The following DNHD1 variants were observed in gnomAD, a reference collection of about 807,000 sequenced individuals.
DNHD1 encodes dynein heavy chain domain 1.
In DNHD1, 383 loss-of-function variants were observed where a neutral mutation model predicts 458.1. The ratio of observed to expected loss-of-function variants is 0.84; its 90% CI spans 0.77 to 0.91. DNHD1 has a LOEUF of 0.91. DNHD1 is among the 40% of genes least tolerant of loss of function. The pLI is 0.00. For missense variants in DNHD1, 5,336 were observed against 5,866.1 expected, an observed-to-expected ratio of 0.91 and a Z score of 2.95; for synonymous variants, 2,203 against 2,376.9, an observed-to-expected ratio of 0.93 and a Z score of 2.13.
chr11:6,565,836 A>T lies in DNHD1; in HGVS notation c.10898A>T (p.Glu3633Val), dbSNP rs908781815. ...GAAAGAAAAAATGAGCAGGAGAAAGAGCAAGAGGAAAATGAAGAGAAAGAG... is the reference window on the plus strand; with the variant it reads ...GAAAGAAAAAATGAGCAGGAGAAAGTGCAAGAGGAAAATGAAGAGAAAGAG... ...AEERKNEQEK[E>V]QEENEEKEEE... Residue 3633 changes from glutamate to valine, a missense_variant, in exon 33 of 43, where the codon GAG becomes GTG. This residue lies in a region of DNHD1 where 695 missense variants were observed against 804.2 expected (regional missense o/e 0.86). Coordinates refer to ENST00000254579, the MANE Select transcript of DNHD1 (RefSeq NM_144666.3). The T allele has an allele frequency of 1.9e-6, 3 of 1,551,626 alleles. No individual in the cohort carries two copies. Among genetic ancestry groups the T allele is most frequent in the Admixed American group, 2.0e-5 (1 of 50,992 alleles).
chr11:6,566,898 C>A lies in DNHD1; in HGVS notation c.11389C>A (p.Arg3797=). 1 of 1,610,672 alleles carries A rather than the reference C, an allele frequency of 6.2e-7. No individual in the cohort carries two copies. Among genetic ancestry groups the A allele is most frequent in the Non-Finnish European group, 8.5e-7 (1 of 1,178,408 alleles). Reference sequence around the variant, plus strand: ...TCCAACAAATGAGTGTATGCAGGAGCGGCTGCTGACGATGCTGCTGTTCCA... The same window carrying A: ...TCCAACAAATGAGTGTATGCAGGAGAGGCTGCTGACGATGCTGCTGTTCCA... ...TCKAVEAAEE[R]LLTMLLFQNP... The change falls in exon 36 of 43, where the codon CGG becomes AGG. Residue 3797 remains arginine (R), a synonymous_variant. Transcript: ENST00000254579.
In DNHD1 at chr11:6,568,776, C is replaced by T. The variant is rs758499551; in HGVS notation, c.12773C>T (p.Pro4258Leu). The change falls in exon 39 of 43, where the codon CCC (proline) becomes CTC (leucine). Residue 4258 changes from proline (P) to leucine (L), a missense_variant. Physicochemically the swap from Pro to Leu is moderately conservative, Grantham distance 98. This residue lies in a region of DNHD1 where 698 missense variants were observed against 664.9 expected (regional missense o/e 1.05). Transcript: ENST00000254579. ...LAQQVLYMQP[P>L]TQALPLLLLH... ...CAGCAAGTACTCTACATGCAACCCC[C>T]CACCCAGGCACTACCTCTGCTCCTC... 1.9e-6 allele frequency: 3 copies of T among 1,613,494 alleles called. No individual in the cohort carries two copies. The highest frequency in any genetic ancestry group is 4.5e-5 in the East Asian group (2 of 44,816).
At chr11:6,542,635 C>T (rs1302482638) in intron 18 of DNHD1, among the ~76,000 whole-genome samples, 1 of 152,220 alleles carries the variant, frequency 6.6e-6, no homozygotes, top group African/African-American at 2.4e-5. Flanking sequence ...GTAGTGGCCA[C>T]ACACCATGAA....
intron 12 of DNHD1, among the ~76,000 whole-genome samples, chr11:6,530,288 G>A (rs539699519): frequency 2.6e-5 from 4 of 151,976 alleles, no homozygotes; most frequent in Non-Finnish European, 4.4e-5. Flanking sequence ...CTAATTGAAC[G>A]CCCAATTGTT....
rs187930019 is a variant in DNHD1, at chr11:6,519,059, C to G, written c.1393-541C>G. ...GCAGCCTTTATAGGCTGAGGAACCTCCCAGATCTGAAAGAACTCACAAAAA... is the reference window on the plus strand; with the variant it reads ...GCAGCCTTTATAGGCTGAGGAACCTGCCAGATCTGAAAGAACTCACAAAAA... On this transcript the variant is annotated intron_variant, in intron 7 of 42. Coordinates refer to ENST00000254579, the MANE Select transcript of DNHD1 (RefSeq NM_144666.3). 8.6e-3 allele frequency among the ~76,000 whole-genome samples: 1,304 copies of G among 152,244 alleles called. 18 individuals are homozygous for G. The highest frequency in any genetic ancestry group is 0.03 in the African/African-American group (1,226 of 41,538).
rs1853683800 is a variant in DNHD1, at chr11:6,565,937, C to T, written c.10999C>T (p.Leu3667Phe). The T allele has an allele frequency of 6.4e-7, 1 of 1,551,538 alleles. No homozygotes were observed. Among genetic ancestry groups the T allele is most frequent in the African/African-American group, 1.4e-5 (1 of 73,006 alleles). The change falls in exon 33 of 43, where the codon CTT (leucine) becomes TTT (phenylalanine). Residue 3667 changes from leucine (L) to phenylalanine (F), a missense_variant. By Grantham distance (22) the Leu-to-Phe change is conservative (BLOSUM62 0). This residue lies in a region of DNHD1 where 695 missense variants were observed against 804.2 expected (regional missense o/e 0.86). Transcript: ENST00000254579. ...TCCATCCCTTCCCTACCTTAGTGTTCTTTCAGGTGCTGACCCAGAGCTGGG... is the reference window on the plus strand; with the variant it reads ...TCCATCCCTTCCCTACCTTAGTGTTTTTTCAGGTGCTGACCCAGAGCTGGG... ...QLPSLPYLSVLSGADPELGSQ... is the reference protein window; with the variant it reads ...QLPSLPYLSVFSGADPELGSQ...
chr11:6,567,146 G>A lies in DNHD1; in HGVS notation c.11637G>A (p.Glu3879=). ...NLLPLFCMSP[E]NWLAVTKQAL... ...TGCCACTTTTCTGTATGAGCCCAGAGAACTGGCTGGCAGTCACTAAGCAGG... is the reference window on the plus strand; with the variant it reads ...TGCCACTTTTCTGTATGAGCCCAGAAAACTGGCTGGCAGTCACTAAGCAGG... The change falls in exon 36 of 43, where the codon GAG becomes GAA. Residue 3879 remains glutamate (E), a synonymous_variant. Coordinates refer to ENST00000254579, the MANE Select transcript of DNHD1 (RefSeq NM_144666.3). The A allele has an allele frequency of 6.2e-7, 1 of 1,614,062 alleles. No homozygotes were observed. The highest frequency in any genetic ancestry group is 8.5e-7 in the Non-Finnish European group (1 of 1,179,896).
chr11:6,562,462 G>T (rs529810963), intron 28 of DNHD1, among the ~76,000 whole-genome samples: 1 of 152,140 alleles, frequency 6.6e-6, no homozygotes, highest in African/African-American at 2.4e-5. Flanking sequence ...ACGTAAGTAG[G>T]AATCAAAGCC....
At chr11:6,500,532 C>G (rs550410024) in intron 3 of DNHD1, among the ~76,000 whole-genome samples, 1 of 152,298 alleles carries the variant, frequency 6.6e-6, no homozygotes, top group East Asian at 1.9e-4. Flanking sequence ...CTATTGGAAT[C>G]TTTTCCTTTT....
chr11:6,507,821 A>C (rs1287487467), intron 4 of DNHD1, among the ~76,000 whole-genome samples: 1 of 152,206 alleles, frequency 6.6e-6, no homozygotes, highest in Non-Finnish European at 1.5e-5. Flanking sequence ...CAGTTTTCCT[A>C]TCTGTAATTT....
At chr11:6,537,378 C>G (rs1002826833) in intron 14 of DNHD1, among the ~76,000 whole-genome samples, 4 of 152,254 alleles carry the variant, frequency 2.6e-5, no homozygotes, top group Non-Finnish European at 5.9e-5. Flanking sequence ...TCATTCAACA[C>G]ATATTTGTTG....
rs1207527609 is a variant in DNHD1 at position 6,571,628 on chromosome 11, G to A, written c.13912-8G>A. ...TAGCCTTGCCTGACCAGCTTCTGAC[G>A]CCCCCAGGTGGAGAATGGTCCAAAT... On this transcript the variant is annotated splice_polypyrimidine_tract_variant and splice_region_variant and intron_variant, in intron 42 of 42. Coordinates refer to ENST00000254579, the MANE Select transcript of DNHD1 (RefSeq NM_144666.3). The surrounding 1 kb of genome is among the most constrained non-coding windows in gnomAD (Gnocchi z 5.0). The A allele has an allele frequency of 3.9e-6, 6 of 1,551,568 alleles. No individual in the cohort carries two copies. Among genetic ancestry groups the A allele is most frequent in the South Asian group, 2.4e-5 (2 of 81,832 alleles).
Position 6,534,435 on chromosome 11 carries a change from G to A in DNHD1, c.2998+262G>A, listed in dbSNP as rs150011611. ...AAACAAGTGAATGTTCCATCAGAAT[G>A]TGATGGGGTCAGGGGCTAAAAGCAT... On this transcript the variant is annotated intron_variant, in intron 14 of 42. Coordinates refer to ENST00000254579, the MANE Select transcript of DNHD1 (RefSeq NM_144666.3). Among the ~76,000 whole-genome samples, 5 of 152,182 alleles carry A rather than the reference G, an allele frequency of 3.3e-5. No homozygotes were observed. The East Asian group carries it at 5.8e-4, about 18-fold the overall frequency.
At chr11:6,523,101 A>G (rs995248712) in intron 10 of DNHD1, among the ~76,000 whole-genome samples, 14 of 152,212 alleles carry the variant, frequency 9.2e-5, no homozygotes, top group Non-Finnish European at 1.3e-4. Context: ...TAGTATGGCA[A>G]TATCCTACCA....
chr11:6,526,607 T>TA (rs11433645), intron 10 of DNHD1, among the ~76,000 whole-genome samples: 103,244 of 151,838 alleles, frequency 0.68, 35,314 homozygotes, highest in East Asian at 0.87. Context: ...TTTTCTGTAT[T>TA]AAAAAAAGAT....
chr11:6,544,766 C>G, intron 20 of DNHD1, 26 bp from the exon 21 acceptor site: 2 of 1,544,918 alleles, frequency 1.3e-6, no homozygotes, highest in Non-Finnish European at 1.8e-6. Context: ...TATTGGCCCT[C>G]ACTTTTATCC....
In DNHD1 at chr11:6,558,672, C is replaced by G; in HGVS notation, c.9190C>G (p.Gln3064Glu). The change falls in exon 26 of 43, where the codon CAG becomes GAG. Residue 3064 changes from glutamine (Q) to glutamate (E), a missense_variant. This residue lies in a region of DNHD1 where 3,932 missense variants were observed against 4,365.6 expected (regional missense o/e 0.90). Coordinates refer to ENST00000254579, the MANE Select transcript of DNHD1 (RefSeq NM_144666.3). ...KVAQHHLEGA[Q>E]SVPLDDGSWK... ...GGCCCAGCATCACCTGGAGGGTGCT[C>G]AGAGTGTGCCCCTTGATGACGGTAA... 6.4e-7 allele frequency: 1 copy of G among 1,550,782 alleles called. No individual in the cohort carries two copies. The highest frequency in any genetic ancestry group is 8.7e-7 in the Non-Finnish European group (1 of 1,146,990).
At chr11:6,506,130 C>T (rs1163986389) in intron 4 of DNHD1, among the ~76,000 whole-genome samples, 2 of 152,184 alleles carry the variant, frequency 1.3e-5, no homozygotes, top group African/African-American at 2.4e-5. Flanking sequence ...TTTGGTGCTG[C>T]TTTTCCCCAA....
Position 6,505,300 on chromosome 11 carries a change from G to A in DNHD1, c.920+2374G>A, listed in dbSNP as rs1050337819. ...CTCACTCTGTTGCCTAGGCTGGAGT[G>A]CCATGGCGATCTTGGCTCACTTTAA... On this transcript the variant is annotated intron_variant, in intron 4 of 42. Transcript: ENST00000254579. This position sits in a 1 kb window ranked among gnomAD's most constrained non-coding sequence, Gnocchi z 4.4. 6.6e-6 allele frequency among the ~76,000 whole-genome samples: 1 copy of A among 151,892 alleles called. No homozygotes were observed. The highest frequency in any genetic ancestry group is 1.5e-5 in the Non-Finnish European group (1 of 67,976).
Sources: gnomAD v4.1 joint callset for allele counts (sites outside exome capture counted in the v4.1 genomes callset) on GRCh38, gnomAD v4.1.1 for gene constraint, gnomAD v4.1.1 regional missense constraint, Gnocchi (gnomAD v3.1) non-coding constraint, MANE v1.5 for transcripts, NCBI Gene and HGNC (gene_info 2026-07-23, HGNC 2026-07-21) for gene names.